ESRRB: variants seen among roughly 807,000 people sequenced by gnomAD.
The protein encoded by ESRRB is steroid hormone receptor ERR2.
In ESRRB, 16 loss-of-function variants were observed where a neutral mutation model predicts 46.0. The ratio of observed to expected loss-of-function variants is 0.35; its 90% CI spans 0.24 to 0.53. ESRRB has a LOEUF of 0.53. ESRRB is among the 20% of genes least tolerant of loss of function. ESRRB has a pLI of 0.93. For synonymous variants in ESRRB, 246 were observed against 259.6 expected (o/e 0.95, Z 0.50); for missense variants, 488 against 607.4 (o/e 0.80, Z 2.07).
chr14:76,393,825 G>A (rs746894563), intron 1 of ESRRB, among the ~76,000 whole-genome samples: 33 of 152,306 alleles, frequency 2.2e-4, no homozygotes, highest in Middle Eastern at 3.4e-3. Context: ...TTTTGAGACA[G>A]AGTCTCGTTC....
At chr14:76,340,566 G>A (rs1005085245) in intron 1 of ESRRB, among the ~76,000 whole-genome samples, 12 of 152,160 alleles carry the variant, frequency 7.9e-5, no homozygotes, top group African/African-American at 1.4e-4. Context: ...TGCTGTGGCC[G>A]GGAACTGAAA....
chr14:76,461,541 G>A (rs966825550), intron 2 of ESRRB, among the ~76,000 whole-genome samples: 3 of 150,516 alleles, frequency 2.0e-5, no homozygotes, highest in Admixed American at 6.6e-5. Flanking sequence ...CAGAGTCTCG[G>A]TCTGTCACCC....
At chr14:76,325,578 A>G (rs865908548) in intron 1 of ESRRB, among the ~76,000 whole-genome samples, 3 of 152,136 alleles carry the variant, frequency 2.0e-5, no homozygotes, top group East Asian at 1.9e-4. Flanking sequence ...AGTAGGTGGT[A>G]TCTCCAGTTT....
chr14:76,375,608 A>G (rs1884733935), upstream of ESRRB, among the ~76,000 whole-genome samples: 1 of 152,158 alleles, frequency 6.6e-6, no homozygotes, highest in African/African-American at 2.4e-5. Flanking sequence ...GAGAACTGGG[A>G]AGGGAATCTG....
chr14:76,451,789 ATT>A (rs111716273), intron 2 of ESRRB, among the ~76,000 whole-genome samples: 70 of 122,742 alleles, frequency 5.7e-4, no homozygotes, highest in African/African-American at 1.1e-3. Context: ...TGCCCAGCTA[ATT>A]TTTTTTTTTT....
intron 1 of ESRRB, among the ~76,000 whole-genome samples, chr14:76,394,054 G>A (rs1211343545): frequency 2.1e-5 from 3 of 145,774 alleles, no homozygotes; most frequent in Non-Finnish European, 4.5e-5. Flanking sequence ...ACCCTCCTCA[G>A]CCTCCCAAAA....
chr14:76,452,262 C>T (rs2139964717), intron 2 of ESRRB, among the ~76,000 whole-genome samples: 1 of 152,072 alleles, frequency 6.6e-6, no homozygotes, highest in South Asian at 2.1e-4. Context: ...TTTAACAGTG[C>T]AGTTAGGGCC....
intron 1 of ESRRB, among the ~76,000 whole-genome samples, chr14:76,344,198 A>T (rs955662600): frequency 3.9e-5 from 6 of 152,266 alleles, no homozygotes; most frequent in Admixed American, 1.3e-4. Flanking sequence ...AAAGACTTAG[A>T]ATAATGCCTG....
rs568405461 is a variant in ESRRB at position 76,322,298 on chromosome 14, G to C, written c.2+11382G>C. 2.6e-5 allele frequency among the ~76,000 whole-genome samples: 4 copies of C among 152,248 alleles called. No individual in the cohort carries two copies. The South Asian group carries it at 8.3e-4, about 32-fold the overall frequency. On this transcript the variant is annotated intron_variant, in intron 1 of 6. Coordinates refer to the ESRRB transcript ENST00000512784. ...TTCCTTTGGAACTGCTAACAGCCTT[G>C]CTTTTCCATAAGTCAGTTTCTAAAA...
intron 3 of ESRRB, among the ~76,000 whole-genome samples, chr14:76,466,414 G>A (rs1889112266): frequency 6.6e-6 from 1 of 152,054 alleles, no homozygotes; most frequent in South Asian, 2.1e-4. Flanking sequence ...GCTTCCTCTG[G>A]CTCTCCCTCT....
At chr14:76,386,390 T>C (rs1885228378) in intron 1 of ESRRB, among the ~76,000 whole-genome samples, 1 of 152,130 alleles carries the variant, frequency 6.6e-6, no homozygotes, top group Non-Finnish European at 1.5e-5. Context: ...AAGAAACACA[T>C]TGCTCTTATT....
chr14:76,345,464 G>C (rs905097737), intron 1 of ESRRB, among the ~76,000 whole-genome samples: 1 of 152,130 alleles, frequency 6.6e-6, no homozygotes, highest in Admixed American at 6.5e-5. Flanking sequence ...TAAAGATCAG[G>C]GAAATGCAAA....
chr14:76,336,729 C>T (rs372775688), intron 1 of ESRRB, among the ~76,000 whole-genome samples: 95 of 152,264 alleles, frequency 6.2e-4, no homozygotes, highest in Non-Finnish European at 1.1e-3. Context: ...GCCTGGGGGG[C>T]GATACCCACT....
intron 1 of ESRRB, among the ~76,000 whole-genome samples, chr14:76,314,972 T>C (rs2139720543): frequency 6.6e-6 from 1 of 152,196 alleles, no homozygotes; most frequent in South Asian, 2.1e-4. Flanking sequence ...ACCAACCAAG[T>C]GAGCAGTTTC....
chr14:76,396,630 A>G (rs1375287498), intron 1 of ESRRB, among the ~76,000 whole-genome samples: 1 of 152,246 alleles, frequency 6.6e-6, no homozygotes, highest in Non-Finnish European at 1.5e-5. Context: ...CTGGACACAC[A>G]GTCCTCTAGA....
chr14:76,452,337 T>G (rs1888417668), intron 2 of ESRRB, among the ~76,000 whole-genome samples: 1 of 151,724 alleles, frequency 6.6e-6, no homozygotes. Flanking sequence ...CTTTCAAAAG[T>G]GGATTCAGGC....
At chr14:76,384,031 A>G (rs1284095040) in intron 1 of ESRRB, among the ~76,000 whole-genome samples, 1 of 152,044 alleles carries the variant, frequency 6.6e-6, no homozygotes, top group Non-Finnish European at 1.5e-5. Flanking sequence ...CTAGTTTGGG[A>G]TCTTGGTGAT....
chr14:76,311,251 A>G (rs2139716751), intron 1 of ESRRB, among the ~76,000 whole-genome samples: 1 of 152,258 alleles, frequency 6.6e-6, no homozygotes, highest in South Asian at 2.1e-4. Flanking sequence ...TCAGAAGGGC[A>G]AGGGAAAGTT....
At chr14:76,336,048 T>G (rs1290971766) in intron 1 of ESRRB, among the ~76,000 whole-genome samples, 1 of 152,232 alleles carries the variant, frequency 6.6e-6, no homozygotes, top group African/African-American at 2.4e-5. Flanking sequence ...CCAAACACTC[T>G]GGCCCCAGAG....
Sources: gnomAD v4.1 joint callset for allele counts (sites outside exome capture counted in the v4.1 genomes callset) on GRCh38, gnomAD v4.1.1 for gene constraint, MANE v1.5 for transcripts, NCBI Gene and HGNC (gene_info 2026-07-23, HGNC 2026-07-21) for gene names.